The following ZFP64 variants were observed in gnomAD, a reference collection of about 807,000 sequenced individuals.
The protein encoded by ZFP64 is ZFP64 zinc finger protein, also known as zinc finger protein 64.
Under a neutral mutation model 51.6 loss-of-function variants are expected in ZFP64, and 14 were observed. The ratio of observed to expected loss-of-function variants is 0.27; its 90% CI spans 0.18 to 0.42. ZFP64 has a LOEUF of 0.42. ZFP64 is among the 10% of genes least tolerant of loss of function. The pLI, the probability that ZFP64 is intolerant of heterozygous loss-of-function variation, is 1.00. For synonymous variants in ZFP64, 375 were observed against 361.4 expected, an observed-to-expected ratio of 1.04 and a Z score of -0.43; for missense variants, 754 against 906.8, an observed-to-expected ratio of 0.83 and a Z score of 2.16.
At chr20:52,144,591 A>AAAAAAAAAAAG (rs1980427441) in intron 5 of ZFP64, among the ~76,000 whole-genome samples, 1 of 147,916 alleles carries the variant, frequency 6.8e-6, no homozygotes, top group African/African-American at 2.5e-5. Context: ...AAAAAAAAAA[A>AAAAAAAAAAAG]AAAAAAAAAA....
intron 2 of ZFP64, among the ~76,000 whole-genome samples, chr20:52,172,105 A>G (rs1353577184): frequency 4.6e-5 from 7 of 151,612 alleles, no homozygotes; most frequent in Non-Finnish European, 1.0e-4. Context: ...AGGTGAGTGT[A>G]TGTGTGTGTG....
exon 7 of ZFP64, chr20:52,097,394 G>C: frequency 2.5e-6 from 4 of 1,612,840 alleles, no homozygotes; most frequent in Non-Finnish European, 3.4e-6. Flanking sequence ...CTGAGATGGC[G>C]GTCCAAGTCT....
chr20:52,122,517 A>T (rs1290367615), intron 5 of ZFP64, among the ~76,000 whole-genome samples: 8 of 152,028 alleles, frequency 5.3e-5, no homozygotes, highest in Non-Finnish European at 1.2e-4. Context: ...AAAAAAAAAA[A>T]AAAAAGAAAT....
chr20:52,173,014 T>C (rs1215244623), intron 2 of ZFP64, among the ~76,000 whole-genome samples: 4 of 152,180 alleles, frequency 2.6e-5, no homozygotes. Flanking sequence ...ATGAATTTCA[T>C]GAAATAGATA....
At chr20:52,086,094 C>T (rs6013382) in intron 8 of ZFP64, among the ~76,000 whole-genome samples, 73,020 of 152,030 alleles carry the variant, frequency 0.48, 17,846 homozygotes, top group African/African-American at 0.54. Flanking sequence ...ACACTTAACT[C>T]CTCACTTGTT....
chr20:52,098,679 C>T, intron 5 of ZFP64: 1 of 1,518,254 alleles, frequency 6.6e-7, no homozygotes, highest in Non-Finnish European at 9.0e-7. Flanking sequence ...TTTCACCTCC[C>T]TTCACCTTTC....
chr20:52,091,752 C>T (rs1443736365), intron 7 of ZFP64, among the ~76,000 whole-genome samples: 3 of 151,628 alleles, frequency 2.0e-5, no homozygotes, highest in Non-Finnish European at 4.4e-5. Context: ...CTTTGGGAAG[C>T]CAAGGCAGGC....
At chr20:52,101,331 G>C (rs985006290) in intron 5 of ZFP64, among the ~76,000 whole-genome samples, 1 of 152,072 alleles carries the variant, frequency 6.6e-6, no homozygotes, top group Non-Finnish European at 1.5e-5. Flanking sequence ...GGCAGGAGGA[G>C]GGGTGGTAGT....
intron 5 of ZFP64, among the ~76,000 whole-genome samples, chr20:52,133,443 A>T (rs188094103): frequency 6.6e-6 from 1 of 152,220 alleles, no homozygotes; most frequent in African/African-American, 2.4e-5. Flanking sequence ...ATATGATCTT[A>T]TATTTGGAAA....
intron 6 of ZFP64, chr20:52,097,453 ATTTTTTTT>A (rs11309611): frequency 1.4e-6 from 2 of 1,443,180 alleles, no homozygotes; most frequent in Admixed American, 2.1e-5. Context: ...AGAAAAATAG[ATTTTTTTT>A]TTTTTTTTTT....
chr20:52,101,037 C>T (rs1027640128), intron 5 of ZFP64, among the ~76,000 whole-genome samples: 25 of 152,152 alleles, frequency 1.6e-4, no homozygotes, highest in Non-Finnish European at 7.4e-5. Context: ...TGCCTGGGAA[C>T]ATTTTCAATT....
At chr20:52,114,280 T>G (rs543718767) in intron 5 of ZFP64, among the ~76,000 whole-genome samples, 2 of 152,354 alleles carry the variant, frequency 1.3e-5, no homozygotes, top group South Asian at 2.1e-4. Flanking sequence ...ATTCCATGCC[T>G]ATGCTGTATT....
chr20:52,089,982 C>G (rs1049831572), intron 7 of ZFP64, among the ~76,000 whole-genome samples: 4 of 152,100 alleles, frequency 2.6e-5, no homozygotes, highest in African/African-American at 9.6e-5. Flanking sequence ...AAAGAAAAAG[C>G]CACCTATTAA....
Position 52,110,895 on chromosome 20 carries a change from G to C in ZFP64, c.764-12308C>G, listed in dbSNP as rs1264353659. The C allele has an allele frequency of 3.7e-6, 6 of 1,610,228 alleles. No homozygotes were observed. In the East Asian group the frequency reaches 1.3e-4, roughly 36 times the overall value. ...CCAAGAGATCATCGCTGGAAGCCGA[G>C]TTTTCAGCAAGACGCCTGAACTCAT... On this transcript the variant is annotated intron_variant, in intron 5 of 8. Transcript: ENST00000361387.
chr20:52,097,194 A>T, intron 7 of ZFP64: 1 of 812,786 alleles, frequency 1.2e-6, no homozygotes, highest in Non-Finnish European at 2.2e-6. Flanking sequence ...TCATCCTGGG[A>T]ATCACTTCAT....
chr20:52,156,008 T>G (rs1182301703), intron 5 of ZFP64, among the ~76,000 whole-genome samples: 3 of 152,142 alleles, frequency 2.0e-5, no homozygotes, highest in African/African-American at 7.2e-5. Flanking sequence ...ACACTGAAAT[T>G]TTTGAAAAAC....
intron 5 of ZFP64, among the ~76,000 whole-genome samples, chr20:52,121,658 A>T (rs1213423390): frequency 6.6e-6 from 1 of 152,236 alleles, no homozygotes; most frequent in Non-Finnish European, 1.5e-5. Context: ...GTAGGTGCTG[A>T]TGGAGAAGCT....
In ZFP64 at chr20:52,098,288, C is replaced by T. The variant is rs78207905; in HGVS notation, c.913+150G>A. 579 of 1,099,748 alleles carry T rather than the reference C, an allele frequency of 5.3e-4. 8 individuals are homozygous for T. In the East Asian group the frequency reaches 0.014, roughly 27 times the overall value. The allele number at this position is 1,099,748 out of a possible 1,614,324, so 68.1% of individuals were successfully genotyped here. On this transcript the variant is annotated intron_variant, in intron 6 of 8. Transcript: ENST00000361387. ...CTGGATGCTACAGGCCTCTTAGGCC[C>T]CCCAGGGAAGGCTGTTGTGTGCTGA...
At chr20:52,096,593 T>C (rs147512371) in intron 7 of ZFP64, among the ~76,000 whole-genome samples, 177 of 152,272 alleles carry the variant, frequency 1.2e-3, no homozygotes, top group African/African-American at 4.1e-3. Flanking sequence ...AAGGGCTAAG[T>C]AGTATTTTAG....
Sources: allele counts gnomAD v4.1 joint callset (sites outside exome capture counted in the v4.1 genomes callset), GRCh38; gene constraint gnomAD v4.1.1; transcripts MANE v1.5; gene names NCBI Gene and HGNC (gene_info 2026-07-23, HGNC 2026-07-21).